Variants in ADAMTS19 observed in about 807,000 individuals in gnomAD.
ADAMTS19 encodes ADAM metallopeptidase with thrombospondin type 1 motif 19.
In ADAMTS19, 93 loss-of-function variants were observed where a neutral mutation model predicts 153.3. That is an observed-to-expected ratio of 0.61 (90% CI 0.51 to 0.72). ADAMTS19 has a LOEUF of 0.72. ADAMTS19 is among the 30% of genes least tolerant of loss of function. ADAMTS19 has a pLI of 0.00. For missense variants in ADAMTS19, 1,482 were observed against 1,552.1 expected (o/e 0.95, Z 0.76); for synonymous variants, 600 against 556.6 (o/e 1.08, Z -1.10).
At chr5:129,631,177 T>C (rs1752272969) in intron 10 of ADAMTS19, among the ~76,000 whole-genome samples, 1 of 149,898 alleles carries the variant, frequency 6.7e-6, no homozygotes, top group Admixed American at 6.6e-5. Context: ...TTTTTTTTTT[T>C]TTTTATCACT....
chr5:129,692,103 A>G (rs938676391), intron 18 of ADAMTS19, among the ~76,000 whole-genome samples: 1 of 152,202 alleles, frequency 6.6e-6, no homozygotes, highest in Non-Finnish European at 1.5e-5. Context: ...TAACATTTAT[A>G]CTTCATAAAA....
intron 11 of ADAMTS19, among the ~76,000 whole-genome samples, chr5:129,646,223 A>G (rs1045337773): frequency 1.3e-5 from 2 of 152,108 alleles, no homozygotes; most frequent in Non-Finnish European, 2.9e-5. Flanking sequence ...CTTTGTACAA[A>G]ATCCAAATTT....
intron 15 of ADAMTS19, among the ~76,000 whole-genome samples, chr5:129,659,140 TC>T (rs1235933937): frequency 6.6e-6 from 1 of 152,212 alleles, no homozygotes; most frequent in African/African-American, 2.4e-5. Context: ...TTTATTTTTT[TC>T]TTAATGTTTT....
Position 129,664,765 on chromosome 5 carries a change from C to T in ADAMTS19, c.2426-734C>T, listed in dbSNP as rs1045148802. Reference sequence around the variant, plus strand: ...TCAAGCAAAAGTAGGCATCTGTTCTCACTATTCTGCACTAAGTGAAACTTG... The same window carrying T: ...TCAAGCAAAAGTAGGCATCTGTTCTTACTATTCTGCACTAAGTGAAACTTG... On this transcript the variant is annotated intron_variant, in intron 15 of 22. Transcript: ENST00000274487. 2.0e-5 allele frequency among the ~76,000 whole-genome samples: 3 copies of T among 152,174 alleles called. No individual in the cohort carries two copies. In the East Asian group the frequency reaches 5.8e-4, roughly 30 times the overall value.
At chr5:129,501,853 G>T (rs775052626) in intron 2 of ADAMTS19, among the ~76,000 whole-genome samples, 6 of 151,976 alleles carry the variant, frequency 3.9e-5, no homozygotes, top group Non-Finnish European at 5.9e-5. Flanking sequence ...TTGAAAAAGA[G>T]TAAAGGTCCA....
At chr5:129,674,579 G>A (rs1183158589) in intron 16 of ADAMTS19, among the ~76,000 whole-genome samples, 1 of 151,882 alleles carries the variant, frequency 6.6e-6, no homozygotes, top group African/African-American at 2.4e-5. Flanking sequence ...TTAATGGATT[G>A]TCTAGCATTT....
At chr5:129,544,733 G>A (rs1312811505) in intron 6 of ADAMTS19, among the ~76,000 whole-genome samples, 7 of 152,028 alleles carry the variant, frequency 4.6e-5, no homozygotes. Flanking sequence ...GTGCAAAGTG[G>A]GGAAGTGGAA....
rs146493893 is a variant in ADAMTS19, at chr5:129,547,473, C to A, written c.1329-4391C>A. Reference sequence around the variant, plus strand: ...AGCAATAGAGAACAAATATATCATACTTTAGAAAGTAAAAGGAATCATACA... The same window carrying A: ...AGCAATAGAGAACAAATATATCATAATTTAGAAAGTAAAAGGAATCATACA... On this transcript the variant is annotated intron_variant, in intron 6 of 22. Coordinates refer to ENST00000274487, the MANE Select transcript of ADAMTS19 (RefSeq NM_133638.6). Among the ~76,000 whole-genome samples the A allele has an allele frequency of 3.5e-4, 53 of 150,602 alleles. No homozygotes were observed. In the East Asian group the frequency reaches 9.1e-3, roughly 26 times the overall value.
intron 2 of ADAMTS19, among the ~76,000 whole-genome samples, chr5:129,502,054 G>C (rs2126711879): frequency 6.6e-6 from 1 of 152,154 alleles, no homozygotes; most frequent in South Asian, 2.1e-4. Flanking sequence ...TCTCCATAAA[G>C]GAGGTTATAA....
chr5:129,683,637 A>G (rs193149566), intron 17 of ADAMTS19, among the ~76,000 whole-genome samples: 4 of 151,974 alleles, frequency 2.6e-5, no homozygotes, highest in Admixed American at 6.6e-5. Context: ...TCATCTATCT[A>G]TCTTCCTCTT....
chr5:129,665,445 A>G (rs1376130172), intron 15 of ADAMTS19, 54 bp from the exon 16 acceptor site: 2 of 1,423,222 alleles, frequency 1.4e-6, no homozygotes, highest in Non-Finnish European at 1.9e-6. Flanking sequence ...TCAATGAAGA[A>G]AAGAGATTTT....
chr5:129,465,598 A>T (rs1252705981), intron 2 of ADAMTS19, among the ~76,000 whole-genome samples: 3 of 152,204 alleles, frequency 2.0e-5, no homozygotes, highest in African/African-American at 7.2e-5. Context: ...TATTCTGTGG[A>T]AAGTTTTAAA....
chr5:129,569,257 A>G (rs1753815957), intron 7 of ADAMTS19, among the ~76,000 whole-genome samples: 1 of 152,134 alleles, frequency 6.6e-6, no homozygotes, highest in African/African-American at 2.4e-5. Context: ...ATTACATAAT[A>G]TTAAGGGATC....
intron 17 of ADAMTS19, among the ~76,000 whole-genome samples, chr5:129,680,694 G>C (rs991149053): frequency 6.6e-6 from 1 of 151,672 alleles, no homozygotes; most frequent in African/African-American, 2.4e-5. Flanking sequence ...CCCAAGAGGC[G>C]GAGGTTGCAG....
intron 8 of ADAMTS19, among the ~76,000 whole-genome samples, chr5:129,612,848 C>T (rs1751301284): frequency 1.3e-5 from 2 of 151,810 alleles, no homozygotes; most frequent in Admixed American, 1.3e-4. Flanking sequence ...AGGAGATCTA[C>T]AAAGCAAAAT....
intron 6 of ADAMTS19, among the ~76,000 whole-genome samples, chr5:129,545,622 A>G (rs891080546): frequency 2.0e-5 from 3 of 151,438 alleles, no homozygotes; most frequent in Non-Finnish European, 2.9e-5. Context: ...GCAGCCAAAA[A>G]ACACATGAAA....
intron 2 of ADAMTS19, among the ~76,000 whole-genome samples, chr5:129,490,825 T>C (rs1377045468): frequency 6.6e-6 from 1 of 152,104 alleles, no homozygotes; most frequent in African/African-American, 2.4e-5. Flanking sequence ...AATGCCACAG[T>C]CAGAGGTCGC....
chr5:129,553,642 G>A lies in ADAMTS19; in HGVS notation c.1372+1735G>A, dbSNP rs184163054. ...TTGCTGATTCCTTAGGTTGTCATCA[G>A]CACCTCTGACATCACTAAAGCCTAG... On this transcript the variant is annotated intron_variant, in intron 7 of 22. Transcript: ENST00000274487. Among the ~76,000 whole-genome samples, 28 of 152,220 alleles carry A rather than the reference G, an allele frequency of 1.8e-4. No homozygotes were observed. The East Asian group carries it at 5.4e-3, about 29-fold the overall frequency.
At chr5:129,483,196 T>A (rs1055812448) in intron 2 of ADAMTS19, among the ~76,000 whole-genome samples, 7 of 152,198 alleles carry the variant, frequency 4.6e-5, no homozygotes, top group African/African-American at 1.7e-4. Context: ...ATAATTTATC[T>A]AGGCTTCCTA....
Sources: gnomAD v4.1 joint callset for allele counts (sites outside exome capture counted in the v4.1 genomes callset) on GRCh38, gnomAD v4.1.1 for gene constraint, MANE v1.5 for transcripts, NCBI Gene and HGNC (gene_info 2026-07-23, HGNC 2026-07-21) for gene names.